PCCA: variants seen among roughly 807,000 people sequenced by gnomAD.
The protein encoded by PCCA is propionyl-CoA carboxylase alpha chain, mitochondrial.
In PCCA, 74 loss-of-function variants were observed where a neutral mutation model predicts 101.3. That is an observed-to-expected ratio of 0.73 (90% confidence interval 0.61 to 0.89). PCCA has a LOEUF of 0.89. PCCA is among the 40% of genes least tolerant of loss of function. The probability of loss-of-function intolerance (pLI) is 0.00; values close to 1 mark genes in which losing one functional copy is unlikely to be tolerated. For missense variants in PCCA, 891 were observed against 907.0 expected (o/e 0.98, Z 0.23); for synonymous variants, 294 against 313.6 (o/e 0.94, Z 0.66).
chr13:100,209,953 G>T (rs1452972708), intron 7 of PCCA, among the ~76,000 whole-genome samples: 1 of 150,328 alleles, frequency 6.7e-6, no homozygotes, highest in Non-Finnish European at 1.5e-5. Context: ...TTTTTAACTG[G>T]ATTATTTTAT....
At chr13:100,293,008 T>C (rs2065257230) in intron 12 of PCCA, among the ~76,000 whole-genome samples, 1 of 151,872 alleles carries the variant, frequency 6.6e-6, no homozygotes, top group Non-Finnish European at 1.5e-5. Flanking sequence ...AGGTTTTTTT[T>C]TAGATTTAAG....
At chr13:100,117,486 A>T (rs1321179220) in intron 4 of PCCA, among the ~76,000 whole-genome samples, 1 of 151,834 alleles carries the variant, frequency 6.6e-6, no homozygotes, top group Non-Finnish European at 1.5e-5. Flanking sequence ...ACATGGATGA[A>T]GCTGGAAACC....
intron 18 of PCCA, among the ~76,000 whole-genome samples, chr13:100,344,272 G>C (rs1029868384): frequency 2.6e-5 from 4 of 152,188 alleles, no homozygotes; most frequent in African/African-American, 9.7e-5. Context: ...TAAGGAGTCA[G>C]GTTACTGACT....
intron 6 of PCCA, among the ~76,000 whole-genome samples, chr13:100,186,212 G>A (rs902529541): frequency 6.6e-6 from 1 of 152,154 alleles, no homozygotes; most frequent in Non-Finnish European, 1.5e-5. Context: ...AGGGCCAAAA[G>A]TAGAGTAGGG....
chr13:100,233,262 TG>T (rs1445492440), intron 7 of PCCA, among the ~76,000 whole-genome samples: 1 of 152,212 alleles, frequency 6.6e-6, no homozygotes, highest in Non-Finnish European at 1.5e-5. Context: ...TATTTAACTT[TG>T]TCATCCTGGC....
rs184993502 is a variant in PCCA at position 100,119,996 on chromosome 13, C to T, written c.300+7935C>T. On this transcript the variant is annotated intron_variant, in intron 4 of 23. Coordinates refer to ENST00000376285, the MANE Select transcript of PCCA (RefSeq NM_000282.4). ...AAGCGATTCTCCTGCCTCAGCCTCC[C>T]GAGTAGCTGGGCTTACAGGCATGCA... is the stretch of plus-strand genomic sequence containing the variant. 9.2e-5 allele frequency among the ~76,000 whole-genome samples: 14 copies of T among 151,968 alleles called. 1 individual carries two copies. The highest frequency in any genetic ancestry group is 5.9e-4 in the Admixed American group (9 of 15,250).
intron 22 of PCCA, among the ~76,000 whole-genome samples, chr13:100,516,104 A>G (rs557616866): frequency 6.6e-6 from 1 of 152,384 alleles, no homozygotes; most frequent in Admixed American, 6.5e-5. Context: ...AGCACAAATC[A>G]AAGCTATATT....
In PCCA at chr13:100,349,814, C is replaced by G. The variant is rs577911552; in HGVS notation, c.1643+9555C>G. Among the ~76,000 whole-genome samples, 5 of 152,330 alleles carry G rather than the reference C, an allele frequency of 3.3e-5. No individual in the cohort carries two copies. The East Asian group carries it at 7.7e-4, about 23-fold the overall frequency. ...GCTACACAGCCTGGTGTCAGTTTAA[C>G]TCTTTCAGCCACAGTAGCATAACGG... On this transcript the variant is annotated intron_variant, in intron 18 of 23. Transcript: ENST00000376285.
intron 6 of PCCA, among the ~76,000 whole-genome samples, chr13:100,194,610 G>T (rs777516221): frequency 2.6e-5 from 4 of 151,934 alleles, no homozygotes; most frequent in East Asian, 1.9e-4. Flanking sequence ...TATTAGAGAC[G>T]GGGTTTCACC....
chr13:100,157,359 A>G lies in PCCA; in HGVS notation c.468+19A>G, dbSNP rs2053989420. The G allele has an allele frequency of 6.4e-7, 1 of 1,555,574 alleles. No homozygotes were observed. Among genetic ancestry groups the G allele is most frequent in the Non-Finnish European group, 8.9e-7 (1 of 1,127,152 alleles). On this transcript the variant is annotated intron_variant, in intron 6 of 23. Coordinates refer to ENST00000376285, the MANE Select transcript of PCCA (RefSeq NM_000282.4). ...ATGTTTGGTAAGTTGGTAATGAACC[A>G]GAAACTGTTCATTTCTTTTTCAGAA...
At chr13:100,199,636 C>T (rs576526605) in intron 6 of PCCA, among the ~76,000 whole-genome samples, 1 of 152,048 alleles carries the variant, frequency 6.6e-6, no homozygotes, top group Admixed American at 6.6e-5. Flanking sequence ...CTTTTTAGCT[C>T]TTTTTAAGAT....
intron 7 of PCCA, among the ~76,000 whole-genome samples, chr13:100,228,567 A>G (rs955303161): frequency 1.3e-5 from 2 of 152,088 alleles, no homozygotes; most frequent in Non-Finnish European, 2.9e-5. Flanking sequence ...GTGAAGAGAT[A>G]ATGTTGTTTT....
At chr13:100,269,360 A>G (rs952190899) in intron 11 of PCCA, among the ~76,000 whole-genome samples, 6 of 152,220 alleles carry the variant, frequency 3.9e-5, no homozygotes, top group African/African-American at 9.6e-5. Flanking sequence ...GCAGGCTTCT[A>G]GGAAGTATGG....
chr13:100,452,107 C>G (rs1176698555), intron 21 of PCCA, among the ~76,000 whole-genome samples: 1 of 127,576 alleles, frequency 7.8e-6, no homozygotes, highest in South Asian at 2.9e-4. Context: ...CTCTTCCTTT[C>G]TCTCTCTCCT....
intron 7 of PCCA, among the ~76,000 whole-genome samples, chr13:100,211,014 A>G (rs550953698): frequency 6.6e-6 from 1 of 152,296 alleles, no homozygotes; most frequent in South Asian, 2.1e-4. Context: ...TTCACAGGCT[A>G]TGGTTTTACT....
chr13:100,503,887 G>A (rs2152990337), intron 21 of PCCA, among the ~76,000 whole-genome samples: 1 of 152,346 alleles, frequency 6.6e-6, no homozygotes, highest in East Asian at 1.9e-4. Flanking sequence ...CAGCCTGAGT[G>A]ACAGAGTGAG....
intron 21 of PCCA, chr13:100,490,700 T>G (rs1228239011): frequency 3.9e-5 from 6 of 152,292 alleles, no homozygotes; most frequent in African/African-American, 1.4e-4. Flanking sequence ...CAAAAGTTCC[T>G]TTCTGCCTGT....
At chr13:100,225,213 T>C (rs975295576) in intron 7 of PCCA, among the ~76,000 whole-genome samples, 1 of 152,076 alleles carries the variant, frequency 6.6e-6, no homozygotes, top group Non-Finnish European at 1.5e-5. Flanking sequence ...AGAAAGATAG[T>C]GGAAGTGGAA....
chr13:100,396,653 A>T (rs1261738760), intron 19 of PCCA, among the ~76,000 whole-genome samples: 2 of 152,248 alleles, frequency 1.3e-5, no homozygotes, highest in East Asian at 3.8e-4. Flanking sequence ...TATATAATAA[A>T]AATAAGACAA....
Sources: allele counts gnomAD v4.1 joint callset (sites outside exome capture counted in the v4.1 genomes callset), GRCh38; gene constraint gnomAD v4.1.1; transcripts MANE v1.5; gene names NCBI Gene and HGNC (gene_info 2026-07-23, HGNC 2026-07-21).